The following MRE11 variants were observed in gnomAD, a reference collection of about 807,000 sequenced individuals.
The protein encoded by MRE11 is double-strand break repair protein MRE11.
A neutral mutation model predicts 91.7 loss-of-function variants in MRE11; 62 were observed. The ratio of observed to expected loss-of-function variants is 0.68; its 90% confidence interval spans 0.55 to 0.84. The LOEUF (loss-of-function observed/expected upper bound fraction) is 0.84, where lower values mean the gene tolerates loss of function less well. MRE11 is among the 40% of genes least tolerant of loss of function. The pLI is 0.00. For missense variants in MRE11, 796 were observed against 852.9 expected (o/e 0.93, Z 0.83); for synonymous variants, 273 against 271.4 (o/e 1.01, Z -0.06).
rs864622186 is a variant in MRE11, at chr11:94,429,928, C to A, written c.2053G>T (p.Asp685Tyr). The change falls in exon 19 of 20, where the codon GAT becomes TAT. Residue 685 changes from aspartate to tyrosine, a missense_variant. Physicochemically the swap from Asp to Tyr is radical, Grantham distance 160. Coordinates refer to ENST00000323929, the MANE Select transcript of MRE11 (RefSeq NM_005591.4). ...MSQSQVSKGV[D>Y]FESSEDDDDD... is the part of the protein sequence containing the mutation. ...TTATTTACCTCACTTGATTCAAAAT[C>A]AACCCCTTTCGATACTTGACTCTGG... 1 of 1,613,514 alleles carries A rather than the reference C, an allele frequency of 6.2e-7. No individual in the cohort carries two copies. Among genetic ancestry groups the A allele is most frequent in the South Asian group, 1.1e-5 (1 of 91,006 alleles).
At chr11:94,492,660 T>C (rs1435624073) in intron 2 of MRE11, 122 bp downstream of exon 2, 7 of 1,433,682 alleles carry the variant, frequency 4.9e-6, no homozygotes, top group African/African-American at 1.4e-5. Context: ...ATGACTAATA[T>C]TTCTGTTCAT....
intron 3 of MRE11, 44 bp downstream of exon 3, chr11:94,490,789 C>T (rs1274788234): frequency 8.1e-6 from 13 of 1,608,324 alleles, no homozygotes; most frequent in Non-Finnish European, 1.1e-5. Flanking sequence ...ACTTGTTAAC[C>T]AAGGGAATAT....
chr11:94,498,668 A>G (rs920643536), upstream of MRE11: 3 of 737,194 alleles, frequency 4.1e-6, no homozygotes, highest in Non-Finnish European at 6.7e-6. Flanking sequence ...TTCCAAGTGA[A>G]TTGCCTGACT....
At chr11:94,483,672 T>A (rs1479888622) in intron 4 of MRE11, 1 of 152,650 alleles carries the variant, frequency 6.6e-6, no homozygotes, top group African/African-American at 2.4e-5. Flanking sequence ...TTGGCGGGTA[T>A]GTCTTTATCA....
At chr11:94,487,201 T>C (rs543154679) in intron 3 of MRE11, among the ~76,000 whole-genome samples, 2 of 152,216 alleles carry the variant, frequency 1.3e-5, no homozygotes, top group African/African-American at 4.8e-5. Context: ...AATATGAACA[T>C]ATTTAACACT....
upstream of MRE11, chr11:94,493,868 A>T (rs572094670): frequency 6.6e-6 from 1 of 152,322 alleles, no homozygotes; most frequent in East Asian, 1.9e-4. Context: ...CACTTCATGG[A>T]TAACGTAGAT....
rs104895017 is a variant in MRE11, at chr11:94,464,456, T to C, written c.1099-217A>G. 0.015 allele frequency among the ~76,000 whole-genome samples: 2,255 copies of C among 152,318 alleles called. 39 individuals carry two copies. The highest frequency in any genetic ancestry group is 0.018 in the Non-Finnish European group (1,249 of 68,020). Reference sequence around the variant, plus strand: ...AGCATAAGCAAAATACTTTGTTCGATGGAATCAAGGTATTGCAATAATTTC... The same window carrying C: ...AGCATAAGCAAAATACTTTGTTCGACGGAATCAAGGTATTGCAATAATTTC... On this transcript the variant is annotated intron_variant, in intron 10 of 19. Transcript: ENST00000323929.
At position 94,474,842 on chromosome 11, in the gene MRE11, G is replaced by A. The variant is rs1036868836; in HGVS notation, c.659+1447C>T. Among the ~76,000 whole-genome samples the A allele has an allele frequency of 9.2e-5, 14 of 152,136 alleles. No homozygotes were observed. The East Asian group carries it at 1.9e-3, about 21-fold the overall frequency. On this transcript the variant is annotated intron_variant, in intron 7 of 19. Transcript: ENST00000323929. Reference sequence around the variant, plus strand: ...CTTAAATTCTTAGAATTACTTATGAGTTTTCCTTTCAACTCATCATCCCTA... The same window carrying A: ...CTTAAATTCTTAGAATTACTTATGAATTTTCCTTTCAACTCATCATCCCTA...
chr11:94,508,323 A>G, the MRE11 span, among the ~76,000 whole-genome samples: 1 of 152,162 alleles, frequency 6.6e-6, no homozygotes, highest in East Asian at 1.9e-4. Context: ...TTCCTGTTTA[A>G]AAAGTAGTTG....
At chr11:94,485,810 T>C in intron 4 of MRE11, 114 bp downstream of exon 4, 1 of 989,110 alleles carries the variant, frequency 1.0e-6, no homozygotes, top group Non-Finnish European at 1.5e-6. Context: ...CAAAGAATGA[T>C]ATTTACTAAG....
At chr11:94,502,099 C>T in the MRE11 span, among the ~76,000 whole-genome samples, 1 of 152,170 alleles carries the variant, frequency 6.6e-6, no homozygotes, top group Admixed American at 6.5e-5. Context: ...GCCAACTATG[C>T]TGTATGTGCT....
rs1199798423 is a variant in MRE11, at chr11:94,478,876, C to T, written c.403G>A (p.Ala135Thr). ...IHGNHDDPTG[A>T]DALCALDILS... ...ATGTCCAAGGCACAAAGTGCATCTGCCTATGCAAAATAATTTCAAAGAATG... is the reference window on the plus strand; with the variant it reads ...ATGTCCAAGGCACAAAGTGCATCTGTCTATGCAAAATAATTTCAAAGAATG... Residue 135 changes from alanine (A) to threonine (T), a missense_variant and splice_region_variant, in exon 6 of 20, where the codon GCA (alanine) becomes ACA (threonine). Ala to Thr is a moderately conservative substitution (Grantham distance 58). Coordinates refer to ENST00000323929, the MANE Select transcript of MRE11 (RefSeq NM_005591.4). 4 of 1,613,542 alleles carry T rather than the reference C, an allele frequency of 2.5e-6. No individual in the cohort carries two copies. Among genetic ancestry groups the T allele is most frequent in the Non-Finnish European group, 3.4e-6 (4 of 1,179,804 alleles).
chr11:94,448,930 A>C (rs1946021002), intron 14 of MRE11, among the ~76,000 whole-genome samples: 1 of 152,222 alleles, frequency 6.6e-6, no homozygotes, highest in African/African-American at 2.4e-5. Context: ...CCAAACACAC[A>C]AACTATAAAG....
In MRE11 at chr11:94,492,610, A is replaced by G. The variant is rs766021387; in HGVS notation, c.20+172T>C. ...AGCTGCATATTAGCTTCCAGTTAAC[A>G]AACAGATAAATATTTAAAACATTCC... is the stretch of plus-strand genomic sequence containing the variant. On this transcript the variant is annotated intron_variant, in intron 2 of 19. Coordinates refer to ENST00000323929, the MANE Select transcript of MRE11 (RefSeq NM_005591.4). The G allele has an allele frequency of 9.2e-6, 11 of 1,199,948 alleles. No homozygotes were observed. In the South Asian group the frequency reaches 1.5e-4, roughly 16 times the overall value. The allele number at this position is 1,199,948 out of a possible 1,614,324, so 74.3% of individuals were successfully genotyped here. A position where few individuals can be genotyped will look rare whatever the true frequency, so the allele number is the denominator to read the frequency against.
intron 19 of MRE11, 86 bp from the exon 20 acceptor site, chr11:94,420,267 A>G: frequency 4.9e-6 from 5 of 1,030,556 alleles, no homozygotes; most frequent in Non-Finnish European, 6.0e-6. Flanking sequence ...AAACAATACC[A>G]GTGAGAGTCA....
At chr11:94,451,041 T>C (rs1051390312) in intron 14 of MRE11, among the ~76,000 whole-genome samples, 12 of 141,080 alleles carry the variant, frequency 8.5e-5, no homozygotes, top group African/African-American at 2.5e-4. Context: ...CATCTATACT[T>C]TGGGAGGCCA....
Position 94,435,814 on chromosome 11 carries a change from G to GA in MRE11, c.1994+17dup, listed in dbSNP as rs1945591822. ...ATTTTTTTCAGATGTTTCTTTTGCA[G>GA]AAAATCACTGCACCTACCTTTGATC... is the stretch of plus-strand genomic sequence containing the variant. On this transcript the variant is annotated intron_variant, in intron 18 of 19. Coordinates refer to ENST00000323929, the MANE Select transcript of MRE11 (RefSeq NM_005591.4). 2 of 1,606,504 alleles carry GA rather than the reference G, an allele frequency of 1.2e-6. No homozygotes were observed. Among genetic ancestry groups the GA allele is most frequent in the East Asian group, 4.5e-5 (2 of 44,814 alleles).
At chr11:94,448,480 C>G (rs1946006603) in intron 14 of MRE11, among the ~76,000 whole-genome samples, 1 of 151,584 alleles carries the variant, frequency 6.6e-6, no homozygotes, top group Non-Finnish European at 1.5e-5. Context: ...ACCTGTAGTC[C>G]CAGCTACTTG....
chr11:94,418,950 A>G lies in MRE11; in HGVS notation c.*1175T>C. ...ATTCTAATGGTCATGAGTATCACTG[A>G]GTCAAGTATTTGTTTCTACCTATGA... On this transcript the variant is annotated 3_prime_UTR_variant, in exon 20 of 20. Transcript: ENST00000323929. The G allele has an allele frequency of 4.3e-6, 1 of 231,312 alleles. No individual in the cohort carries two copies. The allele number at this position is 231,312 out of a possible 1,614,324, so 14.3% of individuals were successfully genotyped here. A position where few individuals can be genotyped will look rare whatever the true frequency, so the allele number is the denominator to read the frequency against.
Sources: gnomAD v4.1 joint callset for allele counts (sites outside exome capture counted in the v4.1 genomes callset) on GRCh38, gnomAD v4.1.1 for gene constraint, MANE v1.5 for transcripts, NCBI Gene and HGNC (gene_info 2026-07-23, HGNC 2026-07-21) for gene names.